Variants in ERMAP observed in about 807,000 individuals in gnomAD.
ERMAP encodes the protein erythroblast membrane associated protein (Scianna blood group).
A neutral mutation model predicts 49.5 loss-of-function variants in ERMAP; 34 were observed. The observed-to-expected ratio is 0.69, with a 90% CI of 0.52 to 0.91. ERMAP has a LOEUF of 0.91. Ranked by LOEUF, ERMAP falls within the 40% of genes least tolerant of loss-of-function variation. ERMAP has a pLI of 0.00. For synonymous variants in ERMAP, 214 were observed against 232.2 expected (o/e 0.92, Z 0.71); for missense variants, 541 against 582.6 (o/e 0.93, Z 0.74).
chr1:42,841,378 A>G (rs925238804), intron 11 of ERMAP, among the ~76,000 whole-genome samples: 1 of 152,214 alleles, frequency 6.6e-6, no homozygotes, highest in Non-Finnish European at 1.5e-5. Flanking sequence ...ATTAACATTT[A>G]AAAATAATAA....
chr1:42,831,181 T>G lies in ERMAP; in HGVS notation c.433+66T>G, dbSNP rs1198560854. The G allele has an allele frequency of 4.6e-6, 7 of 1,538,280 alleles. No homozygotes were observed. The African/African-American group carries it at 9.5e-5, about 21-fold the overall frequency. On this transcript the variant is annotated intron_variant, in intron 4 of 11. Coordinates refer to ENST00000372517, the MANE Select transcript of ERMAP (RefSeq NM_001017922.2). ...TTGGACAAGCTTAATCAGGACCTACTTTGTCTCTCCATGTCTAGACTTTTC... is the reference window on the plus strand; with the variant it reads ...TTGGACAAGCTTAATCAGGACCTACGTTGTCTCTCCATGTCTAGACTTTTC...
Position 42,830,860 on chromosome 1 carries a change from C to T in ERMAP, c.178C>T (p.Pro60Ser), listed in dbSNP as rs56136737. ...TCTCTCCCTCTGGCCCGGGACGGTA[C>T]CCAAGGAGGTGAGGTGGCTGCGGTC... Reference protein sequence around the residue: ...CPLSLWPGTVPKEVRWLRSPF... With the variant: ...CPLSLWPGTVSKEVRWLRSPF... The change falls in exon 4 of 12, where the codon CCC becomes TCC. Residue 60 changes from proline (P) to serine (S), a missense_variant. Transcript: ENST00000372517. 6.2e-7 allele frequency: 1 copy of T among 1,611,122 alleles called. No homozygotes were observed. The highest frequency in any genetic ancestry group is 1.1e-5 in the South Asian group (1 of 90,562).
At chr1:42,826,759 G>T (rs764251325) in intron 2 of ERMAP, among the ~76,000 whole-genome samples, 1 of 151,938 alleles carries the variant, frequency 6.6e-6, no homozygotes, top group Non-Finnish European at 1.5e-5. Context: ...AGGAGGCTGA[G>T]GCAGGAGAAT....
chr1:42,843,079 GC>G lies in ERMAP; in HGVS notation c.1277del (p.Pro426GlnfsTer15). ...HKSEESIVPR[P>X]EGKGHANGDV... is the part of the protein sequence containing the mutation. The stretch of plus-strand genomic sequence containing the variant: ...AATCAGAGGAATCAATTGTCCCCAG[GC>G]CAGAAGGGAAAGGCCATGCTAATGG... On this transcript the variant is annotated frameshift_variant, in exon 12 of 12. Coordinates refer to ENST00000372517, the MANE Select transcript of ERMAP (RefSeq NM_001017922.2). LOFTEE classifies it high-confidence loss of function. 1 of 1,614,162 alleles carries G rather than the reference GC, an allele frequency of 6.2e-7. No homozygotes were observed. The highest frequency in any genetic ancestry group is 1.3e-5 in the African/African-American group (1 of 75,038).
intron 1 of ERMAP, among the ~76,000 whole-genome samples, chr1:42,821,114 A>G (rs1485250450): frequency 2.1e-4 from 32 of 152,194 alleles, no homozygotes; most frequent in Admixed American, 2.1e-3. Context: ...TCCTAGCTCT[A>G]TTACTAGTGA....
rs190962346 is a variant in ERMAP at position 42,826,536 on chromosome 1, C to T, written c.-6+798C>T. Among the ~76,000 whole-genome samples the T allele has an allele frequency of 4.1e-3, 619 of 152,112 alleles. 4 individuals are homozygous for T. Among genetic ancestry groups the T allele is most frequent in the Non-Finnish European group, 5.7e-3 (388 of 68,002 alleles). ...CATTTTAAAGATGGGAAACTTAAGGCCTAAGAATCTAAGTGACTTGCTTAA... is the reference window on the plus strand; with the variant it reads ...CATTTTAAAGATGGGAAACTTAAGGTCTAAGAATCTAAGTGACTTGCTTAA... On this transcript the variant is annotated intron_variant, in intron 2 of 11. Transcript: ENST00000372517.
chr1:42,834,223 C>A (rs1377991872), intron 4 of ERMAP, among the ~76,000 whole-genome samples: 1 of 152,170 alleles, frequency 6.6e-6, no homozygotes, highest in Non-Finnish European at 1.5e-5. Context: ...CTTTCTTTTC[C>A]CCTTTCTCTC....
chr1:42,838,490 G>A (rs1321021461), intron 7 of ERMAP, among the ~76,000 whole-genome samples: 3 of 152,224 alleles, frequency 2.0e-5, no homozygotes, highest in Non-Finnish European at 4.4e-5. Flanking sequence ...GGGAGTTACT[G>A]TAGAGAATAA....
rs1654353093 is a variant in ERMAP at position 42,819,558 on chromosome 1, G to T, written c.-122+2305G>T. ...GTAATATAACTAGAATATTTTTACA[G>T]TTGAGGTATATACTACACTAAGATT... On this transcript the variant is annotated intron_variant, in intron 1 of 11. Transcript: ENST00000372517. This position sits in a 1 kb window ranked among gnomAD's most constrained non-coding sequence, Gnocchi z 5.1. Among the ~76,000 whole-genome samples the T allele has an allele frequency of 6.6e-6, 1 of 152,262 alleles. No individual in the cohort carries two copies. Among genetic ancestry groups the T allele is most frequent in the African/African-American group, 2.4e-5 (1 of 41,560 alleles).
At position 42,842,587 on chromosome 1, in the gene ERMAP, G is replaced by T; in HGVS notation, c.783G>T (p.Arg261Ser). 2 of 1,614,182 alleles carry T rather than the reference G, an allele frequency of 1.2e-6. No homozygotes were observed. The highest frequency in any genetic ancestry group is 1.1e-5 in the South Asian group (1 of 91,074). Residue 261 changes from arginine (R) to serine (S), a missense_variant, in exon 12 of 12, where the codon AGG (arginine) becomes AGT (serine). Physicochemically the swap from Arg to Ser is moderately radical, Grantham distance 110. Coordinates refer to ENST00000372517, the MANE Select transcript of ERMAP (RefSeq NM_001017922.2). ...LILSEDQRCV[R>S]LGDRRQPVPD... The stretch of plus-strand genomic sequence containing the variant: ...TTTCTGAGGACCAAAGATGTGTAAG[G>T]CTTGGAGACAGACGGCAGCCTGTAC...
chr1:42,839,126 T>C, intron 8 of ERMAP: 1 of 733,598 alleles, frequency 1.4e-6, no homozygotes, highest in South Asian at 1.8e-5. Context: ...TATTTAGTCT[T>C]TAAATGAAAA....
At chr1:42,825,524 G>A (rs1318762528) in intron 1 of ERMAP, 99 bp from the exon 2 acceptor site, 2 of 1,202,018 alleles carry the variant, frequency 1.7e-6, no homozygotes, top group South Asian at 1.5e-5. Flanking sequence ...TGGCTTGCTG[G>A]TTTACAGGGA....
At chr1:42,839,117 AT>A in intron 8 of ERMAP, 196 bp downstream of exon 8, 1 of 764,194 alleles carries the variant, frequency 1.3e-6, no homozygotes, top group South Asian at 1.7e-5. Flanking sequence ...CACAACTATT[AT>A]TTAGTCTTTA....
At chr1:42,825,938 C>A in intron 2 of ERMAP, 200 bp downstream of exon 2, 1 of 506,692 alleles carries the variant, frequency 2.0e-6, no homozygotes, top group Non-Finnish European at 3.1e-6. Flanking sequence ...TTGAAGTACT[C>A]TTATTTAAGT....
intron 10 of ERMAP, 44 bp from the exon 11 acceptor site, chr1:42,840,226 T>G: frequency 6.2e-7 from 1 of 1,614,206 alleles, no homozygotes. Context: ...CAGGAGTTCT[T>G]GATGTCTCTG....
chr1:42,833,092 C>T (rs749960648), intron 4 of ERMAP, among the ~76,000 whole-genome samples: 2 of 152,254 alleles, frequency 1.3e-5, no homozygotes, highest in African/African-American at 2.4e-5. Flanking sequence ...CCATCCACAA[C>T]ATGGCCCTTG....
intron 1 of ERMAP, chr1:42,825,396 A>G: frequency 1.2e-6 from 1 of 859,664 alleles, no homozygotes; most frequent in East Asian, 1.2e-4. Flanking sequence ...GCATTGGAGG[A>G]AAAGGGAGTG....
rs6658712 is a variant in ERMAP, at chr1:42,819,873, C to T, written c.-122+2620C>T. ...CTTGTCCTAGGATTAGGGACCTAAC[C>T]ACATTCTGGGGATTCTCTTCTTGTT... On this transcript the variant is annotated intron_variant, in intron 1 of 11. Coordinates refer to ENST00000372517, the MANE Select transcript of ERMAP (RefSeq NM_001017922.2). This position sits in a 1 kb window ranked among gnomAD's most constrained non-coding sequence, Gnocchi z 5.1. Among the ~76,000 whole-genome samples, 55,101 of 151,852 alleles carry T rather than the reference C, an allele frequency of 0.36. 10,159 individuals carry two copies. The highest frequency in any genetic ancestry group is 0.39 in the Non-Finnish European group (26,285 of 67,922).
In ERMAP at chr1:42,831,055, C is replaced by T. The variant is rs772256111; in HGVS notation, c.373C>T (p.Arg125Ter). Residue 125 changes from arginine (R) to a stop codon, truncating the protein, a stop_gained, in exon 4 of 12, where the codon CGA (arginine) becomes TGA (stop). Transcript: ENST00000372517. LOFTEE classifies it high-confidence loss of function. ...DVRLEDQGSY[R>*]CLIQVGNLSK... ...GCGCCTTGAGGACCAAGGGTCTTAC[C>T]GATGTCTGATCCAAGTTGGAAATCT... The T allele has an allele frequency of 4.1e-5, 66 of 1,614,078 alleles. 2 individuals are homozygous for T. The South Asian group carries it at 6.3e-4, about 15-fold the overall frequency.
Sources: allele counts gnomAD v4.1 joint callset (sites outside exome capture counted in the v4.1 genomes callset), GRCh38; gene constraint gnomAD v4.1.1; non-coding constraint Gnocchi (gnomAD v3.1); transcripts MANE v1.5; gene names NCBI Gene and HGNC (gene_info 2026-07-23, HGNC 2026-07-21).